Variants in VOPP1 observed in about 807,000 individuals in gnomAD.
VOPP1 encodes WW domain binding protein VOPP1.
A neutral mutation model predicts 23.5 loss-of-function variants in VOPP1; 8 were observed. That is an observed-to-expected ratio of 0.34 (90% CI 0.20 to 0.61). The LOEUF is 0.61. Among genes scored for constraint, VOPP1 ranks in the 20% least tolerant of loss-of-function variants. The probability of loss-of-function intolerance (pLI) is 0.78; values close to 1 mark genes in which losing one functional copy is unlikely to be tolerated. For synonymous variants in VOPP1, 83 were observed against 97.3 expected (o/e 0.85, Z 0.86); for missense variants, 174 against 238.1 (o/e 0.73, Z 1.77).
At chr7:55,468,498 C>T (rs557718426), downstream of VOPP1, among the ~76,000 whole-genome samples, 12 of 152,190 alleles carry the variant, frequency 7.9e-5, no homozygotes, top group South Asian at 2.1e-4. Flanking sequence ...GGAGGTGCAA[C>T]GGTCTGGAAA....
intron 1 of VOPP1, among the ~76,000 whole-genome samples, chr7:55,546,377 G>A (rs1311492661): frequency 2.0e-5 from 3 of 152,248 alleles, no homozygotes; most frequent in African/African-American, 7.2e-5. Flanking sequence ...TATGGACCGT[G>A]AGGTGGTAGG....
intron 4 of VOPP1, among the ~76,000 whole-genome samples, chr7:55,439,398 A>G (rs1790910167): frequency 6.6e-6 from 1 of 151,586 alleles, no homozygotes. Flanking sequence ...TCTGCGGTGA[A>G]CTCCTCGGCA....
intron 2 of VOPP1, among the ~76,000 whole-genome samples, chr7:55,514,371 G>A (rs1017631684): frequency 6.6e-6 from 1 of 152,242 alleles, no homozygotes; most frequent in African/African-American, 2.4e-5. Context: ...GGCCCAGAGA[G>A]GTTGGACATT....
intron 3 of VOPP1, 136 bp downstream of exon 3, chr7:55,497,477 C>T (rs1208337829): frequency 2.7e-6 from 2 of 739,312 alleles, no homozygotes; most frequent in Non-Finnish European, 2.3e-6. Flanking sequence ...CCAAACATAC[C>T]CATTTTCCTG....
intron 1 of VOPP1, among the ~76,000 whole-genome samples, chr7:55,527,924 T>C (rs1253735406): frequency 7.2e-6 from 1 of 139,848 alleles, no homozygotes; most frequent in African/African-American, 2.7e-5. Context: ...CAGAGTACCC[T>C]TTGCAGACAA....
chr7:55,540,341 T>G (rs7802539), intron 1 of VOPP1, among the ~76,000 whole-genome samples: 1 of 151,358 alleles, frequency 6.6e-6, no homozygotes, highest in African/African-American at 2.4e-5. Flanking sequence ...GATGTTGCAG[T>G]GAGCCGAGAT....
At chr7:55,442,940 C>A (rs1562877625) in intron 4 of VOPP1, among the ~76,000 whole-genome samples, 1 of 151,962 alleles carries the variant, frequency 6.6e-6, no homozygotes. Context: ...CACAGTGAAA[C>A]CCCGTCTCTA....
At chr7:55,462,847 G>A (rs7778460) in intron 4 of VOPP1, among the ~76,000 whole-genome samples, 33,391 of 148,388 alleles carry the variant, frequency 0.23, 4,629 homozygotes, top group African/African-American at 0.36. Context: ...TAGTAGAGAC[G>A]GGGTTTCACC....
At chr7:55,448,560 A>T (rs1417195142) in intron 4 of VOPP1, among the ~76,000 whole-genome samples, 1 of 80,452 alleles carries the variant, frequency 1.2e-5, no homozygotes, top group African/African-American at 3.5e-5. Flanking sequence ...AGTTGGCAGG[A>T]GATCTCAGCT....
intron 4 of VOPP1, among the ~76,000 whole-genome samples, chr7:55,489,703 T>C (rs1583893189): frequency 6.6e-6 from 1 of 152,138 alleles, no homozygotes; most frequent in African/African-American, 2.4e-5. Flanking sequence ...GTGACTGTAG[T>C]TGTGATGTAT....
At chr7:55,445,194 ACTTT>A (rs1472216944) in intron 4 of VOPP1, among the ~76,000 whole-genome samples, 3 of 149,958 alleles carry the variant, frequency 2.0e-5, no homozygotes, top group African/African-American at 7.4e-5. Flanking sequence ...TCTCTCTCTC[ACTTT>A]CTCTACACAC....
At chr7:55,457,994 A>T (rs1791410663) in intron 4 of VOPP1, among the ~76,000 whole-genome samples, 1 of 151,822 alleles carries the variant, frequency 6.6e-6, no homozygotes, top group African/African-American at 2.4e-5. Flanking sequence ...TAGCCACAAA[A>T]TTTTTGCCTT....
chr7:55,442,719 C>G (rs1790997599), intron 4 of VOPP1, among the ~76,000 whole-genome samples: 1 of 151,474 alleles, frequency 6.6e-6, no homozygotes, highest in Non-Finnish European at 1.5e-5. Flanking sequence ...AATACAGTGG[C>G]AGAGGGCAGA....
At chr7:55,481,432 G>A (rs1309870567) in intron 4 of VOPP1, among the ~76,000 whole-genome samples, 1 of 152,214 alleles carries the variant, frequency 6.6e-6, no homozygotes, top group East Asian at 1.9e-4. Context: ...CACCAGGGAG[G>A]CTCTCATCAG....
rs190859646 is a variant in VOPP1, at chr7:55,520,954, G to A, written c.113+118C>T. The A allele has an allele frequency of 5.6e-6, 6 of 1,071,308 alleles. 1 individual carries two copies. The highest frequency in any genetic ancestry group is 4.6e-5 in the South Asian group (3 of 64,628). The allele number at this position is 1,071,308 out of a possible 1,614,324, so 66.4% of individuals were successfully genotyped here. A position where few individuals can be genotyped will look rare whatever the true frequency, so the allele number is the denominator to read the frequency against. On this transcript the variant is annotated intron_variant, in intron 2 of 4. Coordinates refer to ENST00000285279, the MANE Select transcript of VOPP1 (RefSeq NM_030796.5). The stretch of plus-strand genomic sequence containing the variant: ...CCCCCAGTGAGGCAAGCCTGGCACC[G>A]CAGCAGAGGCTGGGCCACGCCGGGC...
chr7:55,514,865 C>T (rs1206769252), intron 2 of VOPP1, among the ~76,000 whole-genome samples: 1 of 152,226 alleles, frequency 6.6e-6, no homozygotes, highest in African/African-American at 2.4e-5. Flanking sequence ...CTCTGTCCTG[C>T]TGCAAAGGTA....
At chr7:55,545,098 T>C (rs1797308939) in intron 1 of VOPP1, among the ~76,000 whole-genome samples, 1 of 151,626 alleles carries the variant, frequency 6.6e-6, no homozygotes, top group South Asian at 2.1e-4. Context: ...TTGAAAGTAG[T>C]TCTTCTGAGA....
chr7:55,517,257 GT>G (rs1554408696), intron 2 of VOPP1, among the ~76,000 whole-genome samples: 7 of 150,614 alleles, frequency 4.6e-5, no homozygotes, highest in Admixed American at 1.3e-4. Flanking sequence ...CCTAATTTAA[GT>G]TTTTTTTTAA....
At chr7:55,565,396 C>T (rs1455314788) in intron 1 of VOPP1, among the ~76,000 whole-genome samples, 1 of 152,210 alleles carries the variant, frequency 6.6e-6, no homozygotes, top group Admixed American at 6.5e-5. Context: ...AAGTCAAAAT[C>T]TCAGTCATCC....
Sources: gnomAD v4.1 joint callset for allele counts (sites outside exome capture counted in the v4.1 genomes callset) on GRCh38, gnomAD v4.1.1 for gene constraint, MANE v1.5 for transcripts, NCBI Gene and HGNC (gene_info 2026-07-23, HGNC 2026-07-21) for gene names.